NALF1: variants seen among roughly 807,000 people sequenced by gnomAD.
NALF1 encodes family with sequence similarity 155 member A.
A neutral mutation model predicts 48.4 loss-of-function variants in NALF1; 3 were observed. The ratio of observed to expected loss-of-function variants is 0.06; its 90% CI spans 0.03 to 0.16. The LOEUF is 0.16. Among genes scored for constraint, NALF1 ranks in the 10% least tolerant of loss-of-function variants. The pLI, the probability that NALF1 is intolerant of heterozygous loss-of-function variation, is 1.00. For synonymous variants in NALF1, 262 were observed against 245.7 expected (o/e 1.07, Z -0.62); for missense variants, 526 against 571.5 (o/e 0.92, Z 0.81).
intron 1 of NALF1, among the ~76,000 whole-genome samples, chr13:107,697,618 CCTTTT>C (rs1231892930): frequency 3.3e-5 from 5 of 151,902 alleles, no homozygotes; most frequent in Admixed American, 6.6e-5. Flanking sequence ...GTTTGAAATA[CCTTTT>C]ATTTATCAAG....
intron 1 of NALF1, among the ~76,000 whole-genome samples, chr13:107,799,002 G>C (rs928496759): frequency 6.6e-6 from 1 of 152,154 alleles, no homozygotes; most frequent in Non-Finnish European, 1.5e-5. Flanking sequence ...GAAATACTGA[G>C]CCTTAGAGAG....
At chr13:107,206,291 G>A (rs1415780461) in intron 2 of NALF1, among the ~76,000 whole-genome samples, 2 of 152,060 alleles carry the variant, frequency 1.3e-5, no homozygotes, top group Admixed American at 6.6e-5. Flanking sequence ...ACATATGCAC[G>A]GGGATGCGCT....
At chr13:107,589,717 A>G (rs1377664375) in intron 1 of NALF1, among the ~76,000 whole-genome samples, 1 of 152,106 alleles carries the variant, frequency 6.6e-6, no homozygotes, top group Non-Finnish European at 1.5e-5. Context: ...GAATATTTCC[A>G]AAATACATGT....
intron 1 of NALF1, among the ~76,000 whole-genome samples, chr13:107,325,887 T>TATATATATACACAC (rs752320518): frequency 1.7e-5 from 1 of 58,872 alleles, no homozygotes; most frequent in South Asian, 8.8e-4. Context: ...TATATATATA[T>TATATATATACACAC]ACACACACAC....
intron 1 of NALF1, among the ~76,000 whole-genome samples, chr13:107,649,507 T>C (rs1880394642): frequency 2.0e-5 from 3 of 152,244 alleles, no homozygotes; most frequent in Admixed American, 6.5e-5. Context: ...GCCACACATG[T>C]ACAATTAAGT....
At chr13:107,754,518 G>C (rs1248104360) in intron 1 of NALF1, among the ~76,000 whole-genome samples, 1 of 151,808 alleles carries the variant, frequency 6.6e-6, no homozygotes, top group African/African-American at 2.4e-5. Context: ...TTGCTGTGGG[G>C]CAAGGTGGGC....
intron 1 of NALF1, among the ~76,000 whole-genome samples, chr13:107,464,751 C>T (rs1296789821): frequency 6.6e-6 from 1 of 152,092 alleles, no homozygotes; most frequent in Non-Finnish European, 1.5e-5. Flanking sequence ...AACTCCTGAT[C>T]TCAGGTGATC....
At chr13:107,540,368 G>C (rs947167706) in intron 1 of NALF1, among the ~76,000 whole-genome samples, 1 of 151,630 alleles carries the variant, frequency 6.6e-6, no homozygotes, top group Non-Finnish European at 1.5e-5. Context: ...CTCTGGGTTT[G>C]ATTTCAGCAG....
chr13:107,491,707 C>G (rs994963016), intron 1 of NALF1, among the ~76,000 whole-genome samples: 2 of 152,200 alleles, frequency 1.3e-5, no homozygotes, highest in African/African-American at 4.8e-5. Context: ...GTGCCATATT[C>G]TCACTACCTT....
At chr13:107,562,674 C>T (rs182378886) in intron 1 of NALF1, among the ~76,000 whole-genome samples, 5 of 152,260 alleles carry the variant, frequency 3.3e-5, no homozygotes, top group African/African-American at 9.6e-5. Flanking sequence ...AAACATAATG[C>T]CATTTGTTTC....
chr13:107,216,838 C>G (rs1879883187), intron 1 of NALF1, among the ~76,000 whole-genome samples: 1 of 152,158 alleles, frequency 6.6e-6, no homozygotes, highest in Non-Finnish European at 1.5e-5. Context: ...GTTGGCCAAT[C>G]AGGGTATGGC....
intron 1 of NALF1, among the ~76,000 whole-genome samples, chr13:107,446,681 C>T (rs965735331): frequency 2.6e-5 from 4 of 152,026 alleles, no homozygotes; most frequent in African/African-American, 9.7e-5. Context: ...CTTTCTGTTT[C>T]TTAATTTTTG....
At chr13:107,231,883 G>A (rs1168960750) in intron 1 of NALF1, among the ~76,000 whole-genome samples, 3 of 152,146 alleles carry the variant, frequency 2.0e-5, no homozygotes, top group Non-Finnish European at 4.4e-5. Flanking sequence ...CCTAGGAGCA[G>A]GAAAGTTTTG....
Position 107,165,652 on chromosome 13 carries a change from T to C in NALF1, c.*4845A>G, listed in dbSNP as rs558308045. 1 of 152,338 alleles carries C rather than the reference T, an allele frequency of 6.6e-6. No homozygotes were observed. The highest frequency in any genetic ancestry group is 1.9e-4 in the East Asian group (1 of 5,186). 9.4% of individuals were successfully genotyped at this position (152,338 alleles called of 1,614,324 possible). On this transcript the variant is annotated 3_prime_UTR_variant, in exon 3 of 3. Coordinates refer to ENST00000375915, the MANE Select transcript of NALF1 (RefSeq NM_001080396.3). ...GAGAATTTCTAGAATTTGTAGCTGTTTGATAGTTCTTATAAATGTCATGAA... is the reference window on the plus strand; with the variant it reads ...GAGAATTTCTAGAATTTGTAGCTGTCTGATAGTTCTTATAAATGTCATGAA...
At chr13:107,827,967 T>A (rs1442000515) in intron 1 of NALF1, among the ~76,000 whole-genome samples, 2 of 152,174 alleles carry the variant, frequency 1.3e-5, no homozygotes, top group Non-Finnish European at 2.9e-5. Flanking sequence ...TGTACAAAAC[T>A]GCAGCCGTCA....
At chr13:107,563,746 C>T (rs1877711493) in intron 1 of NALF1, among the ~76,000 whole-genome samples, 1 of 152,196 alleles carries the variant, frequency 6.6e-6, no homozygotes, top group Admixed American at 6.5e-5. Context: ...TCACTGGCAG[C>T]AGCACCAGCT....
chr13:107,212,350 A>G (rs1334858870), intron 1 of NALF1, among the ~76,000 whole-genome samples: 2 of 152,258 alleles, frequency 1.3e-5, no homozygotes, highest in Non-Finnish European at 1.5e-5. Flanking sequence ...AATAATTAGA[A>G]TTCTTATAGG....
intron 1 of NALF1, among the ~76,000 whole-genome samples, chr13:107,731,822 A>T (rs1876318359): frequency 1.3e-5 from 2 of 152,116 alleles, no homozygotes; most frequent in African/African-American, 4.8e-5. Context: ...ATTTAGGTTG[A>T]TCCCATGTCT....
At chr13:107,838,236 GA>G (rs1442623177) in intron 1 of NALF1, among the ~76,000 whole-genome samples, 1 of 152,058 alleles carries the variant, frequency 6.6e-6, no homozygotes, top group Non-Finnish European at 1.5e-5. Context: ...GCACCTGGGG[GA>G]TTGTCAGAAA....
Sources: allele counts gnomAD v4.1 joint callset (sites outside exome capture counted in the v4.1 genomes callset), GRCh38; gene constraint gnomAD v4.1.1; transcripts MANE v1.5; gene names NCBI Gene and HGNC (gene_info 2026-07-23, HGNC 2026-07-21).